Variants in ALG8 observed in about 807,000 individuals in gnomAD.
ALG8 encodes the protein ALG8 alpha-1,3-glucosyltransferase.
In ALG8, 48 loss-of-function variants were observed where a neutral mutation model predicts 70.2. That is an observed-to-expected ratio of 0.68 (90% CI 0.54 to 0.87). The LOEUF (loss-of-function observed/expected upper bound fraction) is 0.87. ALG8 is among the 40% of genes least tolerant of loss of function. The probability of loss-of-function intolerance (pLI) is 0.00; values close to 1 mark genes in which losing one functional copy is unlikely to be tolerated. For synonymous variants in ALG8, 234 were observed against 229.0 expected (o/e 1.02, Z -0.20); for missense variants, 572 against 608.7 (o/e 0.94, Z 0.64).
intron 1 of ALG8, among the ~76,000 whole-genome samples, chr11:78,135,582 T>TCA (rs947686800): frequency 6.6e-6 from 1 of 152,058 alleles, no homozygotes; most frequent in Non-Finnish European, 1.5e-5. Context: ...GGCATGGTGC[T>TCA]CACGCCTGTA....
intron 1 of ALG8, among the ~76,000 whole-genome samples, chr11:78,134,763 A>G (rs758267967): frequency 6.6e-6 from 1 of 152,232 alleles, no homozygotes; most frequent in Non-Finnish European, 1.5e-5. Flanking sequence ...ATGAGATATC[A>G]TGCAGCAATT....
intron 1 of ALG8, chr11:78,139,143 C>T (rs148400810): frequency 0.019 from 7,330 of 379,040 alleles, 113 homozygotes; most frequent in Middle Eastern, 0.039. Context: ...TCTTGCTCAC[C>T]ACCGCATCTC....
At chr11:78,104,595 G>C (rs1412135717) in intron 10 of ALG8, 142 bp from the exon 11 acceptor site, 1 of 726,118 alleles carries the variant, frequency 1.4e-6, no homozygotes, top group Non-Finnish European at 2.3e-6. Flanking sequence ...ATTTAGTTGA[G>C]AATATTAATT....
At position 78,129,760 on chromosome 11, in the gene ALG8, A is replaced by G. The variant is rs144663943; in HGVS notation, c.96-2324T>C. On this transcript the variant is annotated intron_variant, in intron 1 of 12. Coordinates refer to ENST00000299626, the MANE Select transcript of ALG8 (RefSeq NM_024079.5). The stretch of plus-strand genomic sequence containing the variant: ...GCTTGTATATTCTTGTGCTTGAACA[A>G]TTTGTTTTAATTTCTAAAATGGTAA... Among the ~76,000 whole-genome samples the G allele has an allele frequency of 6.1e-3, 935 of 152,286 alleles. 20 individuals carry two copies. The highest frequency in any genetic ancestry group is 0.043 in the East Asian group (225 of 5,180).
Position 78,119,257 on chromosome 11 carries a change from T to C in ALG8, c.479-8A>G. 1 of 1,606,864 alleles carries C rather than the reference T, an allele frequency of 6.2e-7. No individual in the cohort carries two copies. Among genetic ancestry groups the C allele is most frequent in the Non-Finnish European group, 8.5e-7 (1 of 1,173,698 alleles). On this transcript the variant is annotated splice_region_variant and splice_polypyrimidine_tract_variant and intron_variant, in intron 4 of 12. Transcript: ENST00000299626. ...TGTACTGAAAATGAATATCTGGACT[T>C]AGGTCAAGGAAAGACAACAGAGGAC...
chr11:78,118,050 G>A (rs1860657902), intron 5 of ALG8, among the ~76,000 whole-genome samples: 2 of 141,218 alleles, frequency 1.4e-5, no homozygotes. Context: ...CAGCCTGGGA[G>A]ACAGGGCGAG....
rs1452452113 is a variant in ALG8, at chr11:78,101,011, C to T, written c.1534G>A (p.Val512Ile). The T allele has an allele frequency of 6.2e-7, 1 of 1,614,154 alleles. No individual in the cohort carries two copies. Among genetic ancestry groups the T allele is most frequent in the Non-Finnish European group, 8.5e-7 (1 of 1,180,034 alleles). Residue 512 changes from valine to isoleucine, a missense_variant, in exon 13 of 13, where the codon GTT (valine) becomes ATT (isoleucine). Coordinates refer to ENST00000299626, the MANE Select transcript of ALG8 (RefSeq NM_024079.5). ...GITYAWFKLY[V>I]SVLIDSAIGK... ...ATAGCAGAGTCAATCAATACTGAAA[C>T]ATACAGTTTGAACCAAGCATATGTG... is the stretch of plus-strand genomic sequence containing the variant.
At chr11:78,139,102 C>T (rs1033395877) in intron 1 of ALG8, 1 of 355,056 alleles carries the variant, frequency 2.8e-6, no homozygotes, top group African/African-American at 2.1e-5. Context: ...CTAGCTCCAC[C>T]CACCAACTTC....
At chr11:78,117,102 T>A (rs571920522) in intron 5 of ALG8, among the ~76,000 whole-genome samples, 69 of 152,332 alleles carry the variant, frequency 4.5e-4, no homozygotes, top group African/African-American at 1.6e-3. Context: ...CAAAGAACTT[T>A]AGATTATCAA....
At position 78,127,397 on chromosome 11, in the gene ALG8, A is replaced by G. The variant is rs1360263668; in HGVS notation, c.135T>C (p.Ala45=). 6.2e-7 allele frequency: 1 copy of G among 1,614,092 alleles called. No homozygotes were observed. Among genetic ancestry groups the G allele is most frequent in the South Asian group, 1.1e-5 (1 of 91,086 alleles). ...TDFEVHRNWL[A]ITHSLPISQW... is the part of the protein sequence containing the mutation. ...GTGATATTGGCAAACTGTGAGTGATAGCAAGCCAGTTTCGGTGTACTTCAA... is the reference window on the plus strand; with the variant it reads ...GTGATATTGGCAAACTGTGAGTGATGGCAAGCCAGTTTCGGTGTACTTCAA... The change falls in exon 2 of 13, where the codon GCT becomes GCC. Residue 45 remains alanine (A), a synonymous_variant. Coordinates refer to ENST00000299626, the MANE Select transcript of ALG8 (RefSeq NM_024079.5).
At chr11:78,131,498 G>A (rs1861308489) in intron 1 of ALG8, among the ~76,000 whole-genome samples, 1 of 141,442 alleles carries the variant, frequency 7.1e-6, no homozygotes, top group Non-Finnish European at 1.5e-5. Flanking sequence ...AGCTACTCAG[G>A]AGGCTGAGGC....
rs757598474 is a variant in ALG8 at position 78,127,406 on chromosome 11, G to C, written c.126C>G (p.Asn42Lys). Residue 42 changes from asparagine (N) to lysine (K), a missense_variant, in exon 2 of 13, where the codon AAC (asparagine) becomes AAG (lysine). Asn to Lys is a moderately conservative substitution (Grantham distance 94). Coordinates refer to ENST00000299626, the MANE Select transcript of ALG8 (RefSeq NM_024079.5). ...GCAAACTGTGAGTGATAGCAAGCCAGTTTCGGTGTACTTCAAAATCTGTGG... is the reference window on the plus strand; with the variant it reads ...GCAAACTGTGAGTGATAGCAAGCCACTTTCGGTGTACTTCAAAATCTGTGG... ...YHSTDFEVHR[N>K]WLAITHSLPI... 6.2e-7 allele frequency: 1 copy of C among 1,613,692 alleles called. No homozygotes were observed. The highest frequency in any genetic ancestry group is 8.5e-7 in the Non-Finnish European group (1 of 1,179,934).
intron 8 of ALG8, 142 bp from the exon 9 acceptor site, chr11:78,109,723 C>T: frequency 1.2e-6 from 1 of 862,136 alleles, no homozygotes. Context: ...TGAATTTAAT[C>T]CTATACTATT....
At chr11:78,118,578 C>T (rs963012675) in intron 5 of ALG8, among the ~76,000 whole-genome samples, 22 of 138,440 alleles carry the variant, frequency 1.6e-4, no homozygotes, top group Middle Eastern at 9.0e-3. Context: ...ATTGTGCCAT[C>T]GCACTCCAGC....
At chr11:78,101,902 T>G (rs1859813055) in intron 12 of ALG8, among the ~76,000 whole-genome samples, 1 of 152,134 alleles carries the variant, frequency 6.6e-6, no homozygotes. Flanking sequence ...AGTGCAGTGG[T>G]GCAATCTCAG....
intron 3 of ALG8, among the ~76,000 whole-genome samples, chr11:78,121,990 T>TAAC (rs1459115417): frequency 6.6e-6 from 1 of 152,202 alleles, no homozygotes; most frequent in Non-Finnish European, 1.5e-5. Context: ...GAGACTGAAC[T>TAAC]AACATACACC....
Position 78,106,704 on chromosome 11 carries a change from T to C in ALG8, c.1178+103A>G, listed in dbSNP as rs1860049352. The C allele has an allele frequency of 2.7e-6, 4 of 1,497,444 alleles. No homozygotes were observed. The Admixed American group carries it at 6.8e-5, about 25-fold the overall frequency. 92.8% of individuals were successfully genotyped at this position (1,497,444 alleles called of 1,614,324 possible). On this transcript the variant is annotated intron_variant, in intron 10 of 12. Transcript: ENST00000299626. The stretch of plus-strand genomic sequence containing the variant: ...GACATCTGTTCCTATACATCTTTGT[T>C]TTTGCCTATCCTGGTGAACATGACA...
chr11:78,113,705 T>A, intron 7 of ALG8, among the ~76,000 whole-genome samples, 181 bp downstream of exon 7: 1 of 107,996 alleles, frequency 9.3e-6, no homozygotes, highest in African/African-American at 4.3e-5. Context: ...ACAGTGAGAC[T>A]CCATCTTAAA....
intron 2 of ALG8, among the ~76,000 whole-genome samples, chr11:78,125,223 G>T (rs1290417020): frequency 6.6e-6 from 1 of 151,402 alleles, no homozygotes; most frequent in Non-Finnish European, 1.5e-5. Context: ...TAGTAGAGAC[G>T]GGGTTTCACC....
Sources: gnomAD v4.1 joint callset for allele counts (sites outside exome capture counted in the v4.1 genomes callset) on GRCh38, gnomAD v4.1.1 for gene constraint, MANE v1.5 for transcripts, NCBI Gene and HGNC (gene_info 2026-07-23, HGNC 2026-07-21) for gene names.